Variants in MGAM observed in about 807,000 individuals in gnomAD.
MGAM encodes the protein alpha-1,4-glucosidase.
Under a neutral mutation model 358.8 loss-of-function variants are expected in MGAM, and 253 were observed. The ratio of observed to expected loss-of-function variants is 0.71; its 90% CI spans 0.64 to 0.78. MGAM has a LOEUF of 0.78. Ranked by LOEUF, MGAM falls within the 30% of genes least tolerant of loss-of-function variation. The pLI, the probability that MGAM is intolerant of heterozygous loss-of-function variation, is 0.00. For synonymous variants in MGAM, 1,105 were observed against 1,227.1 expected, an observed-to-expected ratio of 0.90 and a Z score of 2.08; for missense variants, 3,080 against 3,432.6, an observed-to-expected ratio of 0.90 and a Z score of 2.57.
chr7:142,073,986 A>G, intron 44 of MGAM, 99 bp from the exon 45 acceptor site: 1 of 852,034 alleles, frequency 1.2e-6, no homozygotes, highest in Non-Finnish European at 1.9e-6. Context: ...ATCTGCTGCT[A>G]GTATCTTTTC....
At chr7:142,042,492 TATATATA>T (rs1808993398) in intron 21 of MGAM, among the ~76,000 whole-genome samples, 1 of 9,418 alleles carries the variant, frequency 1.1e-4, no homozygotes, top group Non-Finnish European at 1.6e-4. Context: ...ATTATATACA[TATATATA>T]ATATATAATA....
chr7:142,103,207 G>C, intron 69 of MGAM, 62 bp from the exon 70 acceptor site: 1 of 1,362,984 alleles, frequency 7.3e-7, no homozygotes, highest in South Asian at 1.5e-5. Flanking sequence ...TGCCTAAAAA[G>C]AGGTTAGAAA....
chr7:142,034,352 G>C lies in MGAM; in HGVS notation c.1760G>C (p.Gly587Ala). ...GKQYDIHNLY[G>A]YSMAVATAEA... is the part of the protein sequence containing the mutation. ...CAGTATGACATTCACAATCTGTATGGCTACTCCATGGCGGTCGCCACAGCA... is the reference window on the plus strand; with the variant it reads ...CAGTATGACATTCACAATCTGTATGCCTACTCCATGGCGGTCGCCACAGCA... Residue 587 changes from glycine (G) to alanine (A), a missense_variant, in exon 15 of 71, where the codon GGC (glycine) becomes GCC (alanine). Physicochemically the swap from Gly to Ala is moderately conservative, Grantham distance 60. Coordinates refer to ENST00000475668, the MANE Select transcript of MGAM (RefSeq NM_001365693.1). 1 of 1,590,268 alleles carries C rather than the reference G, an allele frequency of 6.3e-7. No individual in the cohort carries two copies. Among genetic ancestry groups the C allele is most frequent in the Non-Finnish European group, 8.6e-7 (1 of 1,167,798 alleles).
upstream of MGAM, among the ~76,000 whole-genome samples, chr7:141,991,419 T>G (rs1381512095): frequency 1.3e-5 from 2 of 150,956 alleles, no homozygotes; most frequent in Non-Finnish European, 1.5e-5. Context: ...GGGTGGTGGC[T>G]GGGGATGGAG....
At chr7:142,020,604 T>TATATATA (rs57193106) in intron 4 of MGAM, among the ~76,000 whole-genome samples, 13 of 107,532 alleles carry the variant, frequency 1.2e-4, no homozygotes, top group African/African-American at 4.8e-4. Flanking sequence ...TATATATATA[T>TATATATA]TTTTTTTTTT....
intron 14 of MGAM, 37 bp from the exon 15 acceptor site, chr7:142,034,225 C>T: frequency 2.8e-6 from 4 of 1,450,492 alleles, no homozygotes; most frequent in Non-Finnish European, 3.8e-6. Flanking sequence ...AAATGTGCAA[C>T]TTAGGCTCTC....
Position 142,047,795 on chromosome 7 carries a change from C to G in MGAM, c.2509C>G (p.Pro837Ala), listed in dbSNP as rs368897231. 3.1e-6 allele frequency: 5 copies of G among 1,612,478 alleles called. No individual in the cohort carries two copies. Among genetic ancestry groups the G allele is most frequent in the Non-Finnish European group, 4.2e-6 (5 of 1,178,696 alleles). Residue 837 changes from proline (P) to alanine (A), a missense_variant, in exon 22 of 71, where the codon CCT becomes GCT. By Grantham distance (27) the Pro-to-Ala change is conservative. Coordinates refer to ENST00000475668, the MANE Select transcript of MGAM (RefSeq NM_001365693.1). ...NTTTLASRKN[P>A]LGLIIALDEN... ...TCTTGTTCCCCACAGTCGAAAGAACCCTCTTGGTCTTATCATTGCCCTAGA... is the reference window on the plus strand; with the variant it reads ...TCTTGTTCCCCACAGTCGAAAGAACGCTCTTGGTCTTATCATTGCCCTAGA...
chr7:142,039,075 A>T (rs1305817821), intron 19 of MGAM, among the ~76,000 whole-genome samples: 1 of 151,352 alleles, frequency 6.6e-6, no homozygotes, highest in Admixed American at 6.6e-5. Flanking sequence ...AAGCAGGAAC[A>T]AGACGGGGTG....
At chr7:142,065,952 T>TGTTTC (rs1812705698) in intron 40 of MGAM, 121 bp downstream of exon 40, 4 of 692,726 alleles carry the variant, frequency 5.8e-6, no homozygotes, top group Non-Finnish European at 8.6e-6. Context: ...TGTTTTTTTT[T>TGTTTC]GTTTTGTTTT....
chr7:142,041,945 TATAC>T (rs1441814289), intron 21 of MGAM, among the ~76,000 whole-genome samples: 13 of 16,296 alleles, frequency 8.0e-4, no homozygotes, highest in South Asian at 3.1e-3. Flanking sequence ...ATATTATATA[TATAC>T]ATATATATAA....
At chr7:142,065,559 G>A (rs774109604) in intron 38 of MGAM, 29 bp from the exon 39 acceptor site, 1 of 1,613,856 alleles carries the variant, frequency 6.2e-7, no homozygotes, top group African/African-American at 1.3e-5. Context: ...TGAGAGCCTG[G>A]TGTGACACAG....
intron 34 of MGAM, 77 bp from the exon 35 acceptor site, chr7:142,062,491 G>A: frequency 1.3e-6 from 2 of 1,528,388 alleles, no homozygotes; most frequent in Non-Finnish European, 1.8e-6. Context: ...ATTTGTGTGA[G>A]TTGCATTCTC....
chr7:142,050,826 C>T lies in MGAM; in HGVS notation c.2767C>T (p.Gln923Ter), dbSNP rs200498907. The T allele has an allele frequency of 4.8e-5, 77 of 1,613,622 alleles. No individual in the cohort carries two copies. Among genetic ancestry groups the T allele is most frequent in the Non-Finnish European group, 6.2e-5 (73 of 1,179,702 alleles). The part of the protein sequence containing the change: ...VTVKHNGVPS[Q>*]TSPTVTYDSN... ...AGTGAAACACAATGGTGTCCCAAGT[C>T]AGACTTCTCCTACAGTCACTTATGA... Residue 923 changes from glutamine to a stop codon, truncating the protein, a stop_gained, in exon 24 of 71, where the codon CAG becomes TAG. Transcript: ENST00000475668. LOFTEE classifies it high-confidence loss of function.
chr7:142,063,576 C>T lies in MGAM; in HGVS notation c.4335C>T (p.Pro1445=). The T allele has an allele frequency of 1.2e-6, 2 of 1,613,454 alleles. No individual in the cohort carries two copies. The highest frequency in any genetic ancestry group is 1.7e-6 in the Non-Finnish European group (2 of 1,179,670). The change falls in exon 36 of 71, where the codon CCC becomes CCT. Residue 1445 remains proline (P), a synonymous_variant. Coordinates refer to ENST00000475668, the MANE Select transcript of MGAM (RefSeq NM_001365693.1). ...GCRDASLNHP[P]YMPHLESRDR... Reference sequence around the variant, plus strand: ...GGGACGCCTCTCTGAACCACCCTCCCTACATGCCACGTAAGAAGCCTTGGC... The same window carrying T: ...GGGACGCCTCTCTGAACCACCCTCCTTACATGCCACGTAAGAAGCCTTGGC...
intron 21 of MGAM, among the ~76,000 whole-genome samples, chr7:142,041,988 A>G (rs1441096148): frequency 8.0e-5 from 1 of 12,512 alleles, no homozygotes; most frequent in Non-Finnish European, 1.4e-4. Flanking sequence ...ATATAATATA[A>G]TATATATATA....
At chr7:142,022,510 C>A in intron 7 of MGAM, 71 bp downstream of exon 7, 1 of 1,486,682 alleles carries the variant, frequency 6.7e-7, no homozygotes, top group Non-Finnish European at 9.1e-7. Flanking sequence ...TCTAGTATTA[C>A]AGTGTAGTGT....
At chr7:142,060,830 C>T (rs1010873500) in intron 34 of MGAM, among the ~76,000 whole-genome samples, 5 of 151,888 alleles carry the variant, frequency 3.3e-5, no homozygotes, top group Admixed American at 2.0e-4. Flanking sequence ...TTCTTTTTTT[C>T]CCCATGAACA....
intron 70 of MGAM, among the ~76,000 whole-genome samples, chr7:142,103,983 G>C (rs1816644220): frequency 6.6e-6 from 1 of 151,790 alleles, no homozygotes; most frequent in African/African-American, 2.4e-5. Flanking sequence ...CTCCCAAGTA[G>C]CTGTGACTGC....
In MGAM at chr7:142,030,746, C is replaced by A; in HGVS notation, c.1459C>A (p.Leu487Ile). ...GAATAGTTCAGATGGAGTGACTCCA[C>A]TCATTGGGGAGGTAACTTAATGGGA... ...WVNSSDGVTP[L>I]IGEVWPGQTV... Residue 487 changes from leucine (L) to isoleucine (I), a missense_variant, in exon 12 of 71, where the codon CTC becomes ATC. Leu to Ile is a conservative substitution (Grantham distance 5). Coordinates refer to ENST00000475668, the MANE Select transcript of MGAM (RefSeq NM_001365693.1). 1 of 1,604,266 alleles carries A rather than the reference C, an allele frequency of 6.2e-7. No individual in the cohort carries two copies. The highest frequency in any genetic ancestry group is 8.5e-7 in the Non-Finnish European group (1 of 1,171,232).
Sources: gnomAD v4.1 joint callset for allele counts (sites outside exome capture counted in the v4.1 genomes callset) on GRCh38, gnomAD v4.1.1 for gene constraint, MANE v1.5 for transcripts, NCBI Gene and HGNC (gene_info 2026-07-23, HGNC 2026-07-21) for gene names.